AUNIP: variants seen among roughly 807,000 people sequenced by gnomAD.
AUNIP encodes aurora kinase A- and ninein-interacting protein.
In AUNIP, 16 loss-of-function variants were observed where a neutral mutation model predicts 12.2. The ratio of observed to expected loss-of-function variants is 1.31; its 90% confidence interval spans 0.88 to 1.99. The LOEUF (loss-of-function observed/expected upper bound fraction) is 1.99, where lower values mean the gene tolerates loss of function less well. Ranked by LOEUF, AUNIP falls within the 30% of genes most tolerant of loss-of-function variation. The pLI is 0.00. For synonymous variants in AUNIP, 142 were observed against 154.8 expected, an observed-to-expected ratio of 0.92 and a Z score of 0.61; for missense variants, 411 against 419.1, an observed-to-expected ratio of 0.98 and a Z score of 0.17.
chr1:25,857,095 G>C (rs1342090031), intron 1 of AUNIP, among the ~76,000 whole-genome samples: 1 of 152,090 alleles, frequency 6.6e-6, no homozygotes, highest in East Asian at 1.9e-4. Context: ...TCTAGCCTGG[G>C]TGACGGACTG....
intron 1 of AUNIP, among the ~76,000 whole-genome samples, chr1:25,856,749 C>A (rs1340156062): frequency 1.3e-5 from 2 of 152,050 alleles, no homozygotes; most frequent in Non-Finnish European, 2.9e-5. Context: ...TCTCCTCTTC[C>A]CTGTGGAATA....
At chr1:25,845,817 G>C (rs1361492397) in intron 1 of AUNIP, among the ~76,000 whole-genome samples, 1 of 152,064 alleles carries the variant, frequency 6.6e-6, no homozygotes, top group African/African-American at 2.4e-5. Context: ...AAAACACTAA[G>C]GCTTTTCTAA....
In AUNIP at chr1:25,835,864, A is replaced by C. The variant is rs1260478776; in HGVS notation, c.221-18T>G. 6.2e-7 allele frequency: 1 copy of C among 1,608,584 alleles called. No homozygotes were observed. The highest frequency in any genetic ancestry group is 1.7e-5 in the Admixed American group (1 of 59,642). On this transcript the variant is annotated intron_variant, in intron 2 of 2. Coordinates refer to ENST00000374298, the MANE Select transcript of AUNIP (RefSeq NM_024037.3). The stretch of plus-strand genomic sequence containing the variant: ...TGTCTTTCCTAATAAAACAGGAATG[A>C]ACAAATATTATTCTGCAGAAAAACT...
intron 1 of AUNIP, among the ~76,000 whole-genome samples, chr1:25,856,138 G>A (rs530554562): frequency 6.6e-6 from 1 of 152,218 alleles, no homozygotes; most frequent in African/African-American, 2.4e-5. Context: ...GCTGAGGCAG[G>A]TGGATCACTT....
chr1:25,850,677 T>C (rs2048419206), intron 1 of AUNIP, among the ~76,000 whole-genome samples: 1 of 152,250 alleles, frequency 6.6e-6, no homozygotes, highest in African/African-American at 2.4e-5. Flanking sequence ...GATTCTATTG[T>C]AAATGAAATT....
chr1:25,838,780 C>T (rs367679730), intron 1 of AUNIP, among the ~76,000 whole-genome samples: 12 of 152,106 alleles, frequency 7.9e-5, no homozygotes, highest in African/African-American at 2.2e-4. Flanking sequence ...TTTCCATTTG[C>T]TTGTTAAAGA....
At chr1:25,832,159 C>T (rs779154551), downstream of AUNIP, 1 of 1,561,240 alleles carries the variant, frequency 6.4e-7, no homozygotes, top group Non-Finnish European at 8.6e-7. Context: ...AGAGCTTGGA[C>T]TGAAAGAGAA....
chr1:25,841,759 C>T (rs1343216538), intron 1 of AUNIP, among the ~76,000 whole-genome samples: 2 of 152,058 alleles, frequency 1.3e-5, no homozygotes, highest in African/African-American at 2.4e-5. Flanking sequence ...CTCCTGACCT[C>T]GTGATCCGCC....
At chr1:25,836,633 C>G (rs897906045) in intron 2 of AUNIP, among the ~76,000 whole-genome samples, 15 of 152,274 alleles carry the variant, frequency 9.9e-5, no homozygotes, top group Middle Eastern at 3.4e-3. Flanking sequence ...ACTGCAGAAA[C>G]TAGGTTTTGT....
At chr1:25,832,248 A>G (rs770828921), downstream of AUNIP, 42 of 1,344,800 alleles carry the variant, frequency 3.1e-5, no homozygotes, top group Non-Finnish European at 2.7e-5. Context: ...CATTTGTTTC[A>G]GGTAATCGTG....
intron 2 of AUNIP, among the ~76,000 whole-genome samples, chr1:25,837,095 T>C (rs570237874): frequency 1.3e-5 from 2 of 152,308 alleles, no homozygotes; most frequent in Admixed American, 1.3e-4. Flanking sequence ...ACCCAAGATA[T>C]ATACCACCTA....
intron 1 of AUNIP, among the ~76,000 whole-genome samples, chr1:25,845,720 A>G (rs755096050): frequency 3.3e-5 from 5 of 152,346 alleles, no homozygotes; most frequent in Admixed American, 6.5e-5. Flanking sequence ...TACTTTAGGA[A>G]GGTAGATATG....
chr1:25,854,792 C>T (rs889418745), intron 1 of AUNIP, among the ~76,000 whole-genome samples: 32 of 152,058 alleles, frequency 2.1e-4, no homozygotes, highest in African/African-American at 7.5e-4. Flanking sequence ...AAGATGACTC[C>T]CTCACTCACA....
chr1:25,842,245 G>A (rs984211705), intron 1 of AUNIP, among the ~76,000 whole-genome samples: 17 of 152,260 alleles, frequency 1.1e-4, no homozygotes, highest in Non-Finnish European at 2.4e-4. Flanking sequence ...CCTTATTGCT[G>A]ATATGAAGAA....
At position 25,847,630 on chromosome 1, in the gene AUNIP, T is replaced by C. The variant is rs1354613192; in HGVS notation, c.79-10076A>G. On this transcript the variant is annotated intron_variant, in intron 1 of 2. Coordinates refer to ENST00000374298, the MANE Select transcript of AUNIP (RefSeq NM_024037.3). This position sits in a 1 kb window ranked among gnomAD's most constrained non-coding sequence, Gnocchi z 4.2. ...GTCCTTCTTGAGCGTACCTATACTTTTATATAGAGAGAGACTAATAAACCA... is the reference window on the plus strand; with the variant it reads ...GTCCTTCTTGAGCGTACCTATACTTCTATATAGAGAGAGACTAATAAACCA... Among the ~76,000 whole-genome samples, 1 of 152,252 alleles carries C rather than the reference T, an allele frequency of 6.6e-6. No individual in the cohort carries two copies.
downstream of AUNIP, chr1:25,832,170 G>C (rs2048253494): frequency 3.2e-6 from 5 of 1,548,762 alleles, no homozygotes; most frequent in African/African-American, 5.5e-5. Context: ...TGAAAGAGAA[G>C]AGCTGGATTA....
Position 25,834,521 on chromosome 1 carries a change from G to T in AUNIP, c.*472C>A. On this transcript the variant is annotated 3_prime_UTR_variant, in exon 3 of 3. Coordinates refer to ENST00000374298, the MANE Select transcript of AUNIP (RefSeq NM_024037.3). Reference sequence around the variant, plus strand: ...AGTCCCTGCTATTCGGGAGGCTGAGGCAGGAGAATCGCTTGAATCCGGGAG... The same window carrying T: ...AGTCCCTGCTATTCGGGAGGCTGAGTCAGGAGAATCGCTTGAATCCGGGAG... The T allele has an allele frequency of 1.3e-6, 1 of 771,426 alleles. No homozygotes were observed. The highest frequency in any genetic ancestry group is 1.6e-6 in the Non-Finnish European group (1 of 634,780). 47.8% of individuals were successfully genotyped at this position (771,426 alleles called of 1,614,324 possible). A position where few individuals can be genotyped will look rare whatever the true frequency, so the allele number is the denominator to read the frequency against.
At chr1:25,857,620 T>C (rs1371436126) in intron 1 of AUNIP, among the ~76,000 whole-genome samples, 1 of 149,840 alleles carries the variant, frequency 6.7e-6, no homozygotes, top group Non-Finnish European at 1.5e-5. Flanking sequence ...CTCAGCACTT[T>C]GGGAGGCCGA....
At chr1:25,843,847 C>T (rs1460939694) in intron 1 of AUNIP, among the ~76,000 whole-genome samples, 5 of 144,186 alleles carry the variant, frequency 3.5e-5, no homozygotes, top group Non-Finnish European at 4.5e-5. Context: ...TGAGAAATTG[C>T]GTCTAATAGA....
Sources: gnomAD v4.1 joint callset for allele counts (sites outside exome capture counted in the v4.1 genomes callset) on GRCh38, gnomAD v4.1.1 for gene constraint, Gnocchi (gnomAD v3.1) non-coding constraint, MANE v1.5 for transcripts, NCBI Gene and HGNC (gene_info 2026-07-23, HGNC 2026-07-21) for gene names.